The following TRIQK variants were observed in gnomAD, a reference collection of about 807,000 sequenced individuals.
TRIQK encodes the protein triple QxxK/R motif containing.
In TRIQK, 10 loss-of-function variants were observed where a neutral mutation model predicts 10.8. The observed-to-expected ratio is 0.92, with a 90% confidence interval of 0.57 to 1.57. TRIQK has a LOEUF of 1.57. Ranked by LOEUF, TRIQK falls within the 40% of genes most tolerant of loss-of-function variation. The pLI, the probability that TRIQK is intolerant of heterozygous loss-of-function variation, is 0.00. For missense variants in TRIQK, 107 were observed against 97.7 expected (o/e 1.09, Z -0.40); for synonymous variants, 33 against 33.7 (o/e 0.98, Z 0.07).
chr8:93,016,172 G>A (rs1813383155), intron 1 of TRIQK, among the ~76,000 whole-genome samples: 1 of 152,096 alleles, frequency 6.6e-6, no homozygotes, highest in African/African-American at 2.4e-5. Flanking sequence ...ATAGTATAAA[G>A]TCTGATCATA....
chr8:92,971,430 A>G (rs191201151), intron 1 of TRIQK, among the ~76,000 whole-genome samples: 1 of 152,326 alleles, frequency 6.6e-6, no homozygotes, highest in African/African-American at 2.4e-5. Flanking sequence ...TTAAGCTGCT[A>G]AACAACATCA....
chr8:92,944,306 A>AG (rs1349411866), intron 2 of TRIQK, among the ~76,000 whole-genome samples: 2 of 148,116 alleles, frequency 1.4e-5, no homozygotes, highest in Non-Finnish European at 3.0e-5. Context: ...AGGTTACTCA[A>AG]AAAAAAAAAA....
chr8:93,006,662 C>T (rs943205424), intron 1 of TRIQK, among the ~76,000 whole-genome samples: 3 of 152,198 alleles, frequency 2.0e-5, no homozygotes, highest in Non-Finnish European at 2.9e-5. Context: ...CCCTTTTCCC[C>T]TGTCAGTGCT....
At chr8:92,979,089 G>T (rs908907570) in intron 1 of TRIQK, among the ~76,000 whole-genome samples, 1 of 152,068 alleles carries the variant, frequency 6.6e-6, no homozygotes, top group Non-Finnish European at 1.5e-5. Flanking sequence ...GGTCTCAGCT[G>T]GGACACCCTA....
upstream of TRIQK, among the ~76,000 whole-genome samples, chr8:92,967,937 G>C (rs535632041): frequency 1.3e-5 from 2 of 151,164 alleles, no homozygotes; most frequent in East Asian, 1.9e-4. Flanking sequence ...GAATGTACTT[G>C]AGTCCATTTT....
chr8:92,992,069 T>C (rs1251821900), intron 1 of TRIQK, among the ~76,000 whole-genome samples: 1 of 152,056 alleles, frequency 6.6e-6, no homozygotes, highest in African/African-American at 2.4e-5. Context: ...TGTCTCAAAA[T>C]AATGATAATA....
At chr8:92,981,365 A>G (rs1188191777) in intron 1 of TRIQK, among the ~76,000 whole-genome samples, 1 of 151,826 alleles carries the variant, frequency 6.6e-6, no homozygotes, top group Admixed American at 6.6e-5. Context: ...TTCTATGTCT[A>G]TCTATTAGAT....
chr8:92,895,443 G>A (rs1267865179), intron 3 of TRIQK, among the ~76,000 whole-genome samples: 1 of 152,104 alleles, frequency 6.6e-6, no homozygotes, highest in Non-Finnish European at 1.5e-5. Flanking sequence ...GAAAGAGCAG[G>A]CTAGAAAAAC....
rs962495336 is a variant in TRIQK at position 92,884,508 on chromosome 8, C to G, written c.*2114G>C. On this transcript the variant is annotated 3_prime_UTR_variant, in exon 5 of 5. Transcript: ENST00000521988. ...CTGTAGACTCAGGATATCAATAAAACTAGGCAGTGAAATTTGCCTATAATT... is the reference window on the plus strand; with the variant it reads ...CTGTAGACTCAGGATATCAATAAAAGTAGGCAGTGAAATTTGCCTATAATT... The G allele has an allele frequency of 1.1e-5, 3 of 276,450 alleles. No individual in the cohort carries two copies. The highest frequency in any genetic ancestry group is 6.7e-5 in the African/African-American group (3 of 44,590). 17.1% of individuals were successfully genotyped at this position (276,450 alleles called of 1,614,324 possible).
intron 2 of TRIQK, among the ~76,000 whole-genome samples, chr8:92,924,671 G>A (rs1810355447): frequency 6.6e-6 from 1 of 151,808 alleles, no homozygotes; most frequent in Non-Finnish European, 1.5e-5. Flanking sequence ...ACTATCAAGT[G>A]TGAAGTGGAC....
At position 92,885,210 on chromosome 8, in the gene TRIQK, A is replaced by G; in HGVS notation, c.*1412T>C. Reference sequence around the variant, plus strand: ...TTATGCTACTTGAAAAAAATTCTACAGAACATAATGCTACACAGTCACAGT... The same window carrying G: ...TTATGCTACTTGAAAAAAATTCTACGGAACATAATGCTACACAGTCACAGT... On this transcript the variant is annotated 3_prime_UTR_variant, in exon 5 of 5. Transcript: ENST00000521988. 1 of 354,680 alleles carries G rather than the reference A, an allele frequency of 2.8e-6. No individual in the cohort carries two copies. Among genetic ancestry groups the G allele is most frequent in the East Asian group, 7.4e-5 (1 of 13,500 alleles). 22.0% of individuals were successfully genotyped at this position (354,680 alleles called of 1,614,324 possible).
At chr8:92,929,974 G>A (rs982595254) in intron 2 of TRIQK, among the ~76,000 whole-genome samples, 13 of 151,984 alleles carry the variant, frequency 8.6e-5, no homozygotes, top group Middle Eastern at 3.4e-3. Context: ...ATTTTTTTAT[G>A]AAAACTGCTC....
chr8:92,926,674 T>C (rs1241232544), intron 2 of TRIQK, among the ~76,000 whole-genome samples: 1 of 152,138 alleles, frequency 6.6e-6, no homozygotes, highest in Non-Finnish European at 1.5e-5. Flanking sequence ...CATGAGTCAC[T>C]TTAACAAGAA....
intron 1 of TRIQK, among the ~76,000 whole-genome samples, chr8:93,015,726 G>A (rs1813378793): frequency 6.6e-6 from 1 of 151,818 alleles, no homozygotes; most frequent in Non-Finnish European, 1.5e-5. Context: ...AGCATAATAG[G>A]GGCAAATGTT....
intron 3 of TRIQK, among the ~76,000 whole-genome samples, chr8:92,897,474 T>C (rs1277006003): frequency 6.6e-6 from 1 of 152,150 alleles, no homozygotes; most frequent in Non-Finnish European, 1.5e-5. Flanking sequence ...TCTGCCCTCA[T>C]GAATGAATTA....
intron 3 of TRIQK, among the ~76,000 whole-genome samples, chr8:92,899,271 C>T: frequency 6.6e-6 from 1 of 152,032 alleles, no homozygotes; most frequent in Admixed American, 6.6e-5. Flanking sequence ...AGGCATGAGC[C>T]ACTGCACTTG....
intron 1 of TRIQK, among the ~76,000 whole-genome samples, chr8:93,012,079 A>G (rs947187983): frequency 6.6e-6 from 1 of 152,194 alleles, no homozygotes; most frequent in Non-Finnish European, 1.5e-5. Context: ...AGAAAATAAA[A>G]TAAAAAATAA....
chr8:92,951,997 C>G (rs953966255), intron 2 of TRIQK, among the ~76,000 whole-genome samples: 15 of 151,888 alleles, frequency 9.9e-5, no homozygotes, highest in Admixed American at 9.2e-4. Context: ...CACCATGTTA[C>G]TAGAGGCCTA....
At chr8:92,903,328 C>A (rs906129041) in intron 3 of TRIQK, among the ~76,000 whole-genome samples, 3 of 151,718 alleles carry the variant, frequency 2.0e-5, no homozygotes, top group African/African-American at 7.3e-5. Context: ...GAAGTTTTAT[C>A]CAGACAGTAG....
Sources: allele counts gnomAD v4.1 joint callset (sites outside exome capture counted in the v4.1 genomes callset), GRCh38; gene constraint gnomAD v4.1.1; transcripts MANE v1.5; gene names NCBI Gene and HGNC (gene_info 2026-07-23, HGNC 2026-07-21).